The following GRID2 variants were observed in gnomAD, a reference collection of about 807,000 sequenced individuals.
GRID2 encodes glutamate ionotropic receptor delta type subunit 2.
A neutral mutation model predicts 114.8 loss-of-function variants in GRID2; 33 were observed. The ratio of observed to expected loss-of-function variants is 0.29; its 90% confidence interval spans 0.22 to 0.38. GRID2 has a LOEUF of 0.38. Ranked by LOEUF, GRID2 falls within the 10% of genes least tolerant of loss-of-function variation. GRID2 has a pLI of 1.00. For synonymous variants in GRID2, 505 were observed against 449.9 expected, an observed-to-expected ratio of 1.12 and a Z score of -1.55; for missense variants, 1,184 against 1,257.7, an observed-to-expected ratio of 0.94 and a Z score of 0.89.
intron 4 of GRID2, among the ~76,000 whole-genome samples, chr4:93,148,895 G>T (rs924862606): frequency 2.0e-5 from 3 of 152,124 alleles, no homozygotes; most frequent in African/African-American, 4.8e-5. Context: ...TCTTGGAAAA[G>T]AATTTCAGCA....
intron 2 of GRID2, among the ~76,000 whole-genome samples, chr4:92,677,278 T>C (rs750338289): frequency 6.6e-6 from 1 of 152,198 alleles, no homozygotes; most frequent in Non-Finnish European, 1.5e-5. Flanking sequence ...TTTTAAGTTA[T>C]ATGTATTTTA....
At chr4:92,768,732 G>A (rs1738389124) in intron 2 of GRID2, among the ~76,000 whole-genome samples, 1 of 152,126 alleles carries the variant, frequency 6.6e-6, no homozygotes, top group Non-Finnish European at 1.5e-5. Flanking sequence ...GAGAGAGCTT[G>A]TGGAGATAAA....
At chr4:92,903,516 C>T (rs1017212556) in intron 2 of GRID2, among the ~76,000 whole-genome samples, 7 of 151,956 alleles carry the variant, frequency 4.6e-5, no homozygotes, top group African/African-American at 1.2e-4. Context: ...CCTGGAGGAA[C>T]CCACAGGAAT....
At chr4:93,579,972 C>T (rs1736800123) in intron 13 of GRID2, among the ~76,000 whole-genome samples, 1 of 152,152 alleles carries the variant, frequency 6.6e-6, no homozygotes, top group Non-Finnish European at 1.5e-5. Flanking sequence ...GATCTATGTT[C>T]TTTGTTATTA....
rs117403762 is a variant in GRID2, at chr4:93,168,899, A to T, written c.736-38505A>T. Among the ~76,000 whole-genome samples, 21 of 152,270 alleles carry T rather than the reference A, an allele frequency of 1.4e-4. No individual in the cohort carries two copies. The East Asian group carries it at 4.1e-3, about 29-fold the overall frequency. On this transcript the variant is annotated intron_variant, in intron 4 of 15. Transcript: ENST00000282020. ...AAACTTGCTGCATTTGGCTCTGAGC[A>T]AAAGGACACTGGTAGGATAACAATT... is the stretch of plus-strand genomic sequence containing the variant.
At chr4:92,654,930 G>T (rs1273392300) in intron 2 of GRID2, among the ~76,000 whole-genome samples, 1 of 151,976 alleles carries the variant, frequency 6.6e-6, no homozygotes, top group South Asian at 2.1e-4. Context: ...TTTTGCCTGT[G>T]CTTTTGAGGT....
chr4:93,791,237 T>G (rs1244934927), intron 1 of GRID2, among the ~76,000 whole-genome samples: 1 of 152,236 alleles, frequency 6.6e-6, no homozygotes, highest in Non-Finnish European at 1.5e-5. Context: ...ATTCAGATTT[T>G]GGAAGTATAC....
intron 11 of GRID2, among the ~76,000 whole-genome samples, chr4:93,483,592 G>A (rs2149449657): frequency 6.6e-6 from 1 of 152,008 alleles, no homozygotes; most frequent in South Asian, 2.1e-4. Flanking sequence ...ATTTTTGCCT[G>A]ACTCAGATGG....
intron 13 of GRID2, among the ~76,000 whole-genome samples, chr4:93,545,555 C>A (rs768052203): frequency 6.6e-6 from 1 of 152,112 alleles, no homozygotes. Context: ...GAATCTTATC[C>A]AAAGGAATTG....
At chr4:93,082,851 G>A (rs747434903) in intron 2 of GRID2, among the ~76,000 whole-genome samples, 22 of 152,230 alleles carry the variant, frequency 1.4e-4, no homozygotes, top group Admixed American at 6.5e-4. Context: ...AAGTAACAGT[G>A]GGTTGGAAGA....
At chr4:92,593,668 GA>G (rs199824235) in intron 2 of GRID2, among the ~76,000 whole-genome samples, 1 of 151,470 alleles carries the variant, frequency 6.6e-6, no homozygotes, top group Non-Finnish European at 1.5e-5. Flanking sequence ...ATGAATAATA[GA>G]AAAAAATTTC....
chr4:92,832,529 G>A (rs568253224), intron 2 of GRID2, among the ~76,000 whole-genome samples: 1 of 152,014 alleles, frequency 6.6e-6, no homozygotes, highest in African/African-American at 2.4e-5. Context: ...GAGTACCTGG[G>A]ATTACAGGCA....
intron 3 of GRID2, among the ~76,000 whole-genome samples, chr4:93,108,483 C>T (rs978347244): frequency 7.9e-5 from 12 of 152,128 alleles, no homozygotes; most frequent in Non-Finnish European, 1.8e-4. Flanking sequence ...TAGTCATGCT[C>T]TGTTTTCTGA....
intron 4 of GRID2, among the ~76,000 whole-genome samples, chr4:93,124,116 AG>A (rs1176499822): frequency 5.8e-5 from 2 of 34,770 alleles, no homozygotes; most frequent in Admixed American, 5.1e-4. Flanking sequence ...TAAAAAAAAA[AG>A]AAAAAAAAAA....
At chr4:93,416,719 A>G (rs1767747406) in intron 9 of GRID2, among the ~76,000 whole-genome samples, 2 of 152,108 alleles carry the variant, frequency 1.3e-5, no homozygotes, top group Non-Finnish European at 2.9e-5. Flanking sequence ...AGTGTTGTAA[A>G]TCAACTAAGC....
intron 1 of GRID2, among the ~76,000 whole-genome samples, chr4:92,514,942 A>G (rs770326111): frequency 2.6e-4 from 40 of 151,966 alleles, no homozygotes; most frequent in Non-Finnish European, 4.7e-4. Context: ...GTATGTGTAT[A>G]AAGTATTTCT....
rs76698483 is a variant in GRID2 at position 92,654,394 on chromosome 4, T to C, written c.244+64108T>C. On this transcript the variant is annotated intron_variant, in intron 2 of 15. Coordinates refer to ENST00000282020, the MANE Select transcript of GRID2 (RefSeq NM_001510.4). The stretch of plus-strand genomic sequence containing the variant: ...CACACTAGCAGTCAGGATATCAACA[T>C]GGATTTCAAGGAGATACAAAGATTC... 7.5e-4 allele frequency among the ~76,000 whole-genome samples: 114 copies of C among 152,122 alleles called. 1 individual carries two copies. In the East Asian group the frequency reaches 0.02, roughly 27 times the overall value.
At chr4:92,736,250 G>A (rs1168462214) in intron 2 of GRID2, among the ~76,000 whole-genome samples, 1 of 151,996 alleles carries the variant, frequency 6.6e-6, no homozygotes, top group Non-Finnish European at 1.5e-5. Context: ...GGTGGAGGAG[G>A]CCTGTGGATG....
At chr4:93,637,385 A>C (rs1018247370) in intron 14 of GRID2, among the ~76,000 whole-genome samples, 1 of 152,188 alleles carries the variant, frequency 6.6e-6, no homozygotes, top group Non-Finnish European at 1.5e-5. Context: ...CCTAAAACTG[A>C]TAAGTGACAA....
Sources: allele counts gnomAD v4.1 joint callset (sites outside exome capture counted in the v4.1 genomes callset), GRCh38; gene constraint gnomAD v4.1.1; transcripts MANE v1.5; gene names NCBI Gene and HGNC (gene_info 2026-07-23, HGNC 2026-07-21).